The following CDC42BPA variants were observed in gnomAD, a reference collection of about 807,000 sequenced individuals.
CDC42BPA encodes serine/threonine-protein kinase MRCK alpha.
A neutral mutation model predicts 223.5 loss-of-function variants in CDC42BPA; 80 were observed. The observed-to-expected ratio is 0.36, with a 90% confidence interval of 0.30 to 0.43. CDC42BPA has a LOEUF of 0.43. Ranked by LOEUF, CDC42BPA falls within the 20% of genes least tolerant of loss-of-function variation. The probability of loss-of-function intolerance (pLI) is 1.00; values close to 1 mark genes in which losing one functional copy is unlikely to be tolerated. For synonymous variants in CDC42BPA, 694 were observed against 718.6 expected, an observed-to-expected ratio of 0.97 and a Z score of 0.55; for missense variants, 1,743 against 2,099.9, an observed-to-expected ratio of 0.83 and a Z score of 3.32.
chr1:227,037,748 G>A lies in CDC42BPA; in HGVS notation c.3200-2141C>T, dbSNP rs1670548873. Among the ~76,000 whole-genome samples the A allele has an allele frequency of 2.0e-5, 3 of 152,164 alleles. 1 individual carries two copies. In the South Asian group the frequency reaches 6.2e-4, roughly 32 times the overall value. On this transcript the variant is annotated intron_variant, in intron 24 of 36. Transcript: ENST00000366766. ...TCTTTTTCATAAGATACATCAATAT[G>A]AGAGATCTTCAGAATGTTCATGGAA...
intron 21 of CDC42BPA, among the ~76,000 whole-genome samples, chr1:227,060,054 G>A (rs1446856435): frequency 2.2e-4 from 25 of 111,964 alleles, no homozygotes; most frequent in African/African-American, 7.1e-4. Flanking sequence ...TTTTTGAGAC[G>A]GGAGTCTCGC....
chr1:227,008,898 A>G (rs1025351665), intron 34 of CDC42BPA, among the ~76,000 whole-genome samples: 1 of 152,224 alleles, frequency 6.6e-6, no homozygotes, highest in African/African-American at 2.4e-5. Context: ...TAAAAAAATT[A>G]AAATGGAAAT....
intron 12 of CDC42BPA, among the ~76,000 whole-genome samples, chr1:227,115,790 T>C (rs956279584): frequency 2.6e-5 from 4 of 151,910 alleles, no homozygotes; most frequent in Non-Finnish European, 2.9e-5. Context: ...AAATAACTCA[T>C]TGGTCCGTGA....
chr1:227,311,915 T>A (rs952927004), intron 1 of CDC42BPA, among the ~76,000 whole-genome samples: 3 of 152,170 alleles, frequency 2.0e-5, no homozygotes, highest in Non-Finnish European at 4.4e-5. Context: ...CTTCACTAGG[T>A]TCTTGAGTAA....
At chr1:227,136,290 A>AG (rs1658552948) in intron 10 of CDC42BPA, among the ~76,000 whole-genome samples, 1 of 152,232 alleles carries the variant, frequency 6.6e-6, no homozygotes, top group African/African-American at 2.4e-5. Context: ...TGGATAAAGC[A>AG]GAAGCCAGAA....
intron 35 of CDC42BPA, among the ~76,000 whole-genome samples, chr1:227,000,422 T>G (rs1662582411): frequency 6.6e-6 from 1 of 152,198 alleles, no homozygotes; most frequent in African/African-American, 2.4e-5. Flanking sequence ...ATGAAAAAAT[T>G]ACTTTAACAT....
chr1:227,108,140 T>A (rs1686248724), intron 14 of CDC42BPA, among the ~76,000 whole-genome samples: 1 of 152,216 alleles, frequency 6.6e-6, no homozygotes, highest in Non-Finnish European at 1.5e-5. Context: ...ATCTTTGGAT[T>A]CAGTTTGCTC....
intron 5 of CDC42BPA, among the ~76,000 whole-genome samples, chr1:227,187,674 C>CT (rs1210044918): frequency 6.5e-5 from 1 of 15,500 alleles, no homozygotes; most frequent in Admixed American, 6.0e-4. Flanking sequence ...TAAATGGCAC[C>CT]CCCCACCCCC....
At chr1:227,287,071 C>T (rs1027313273) in intron 1 of CDC42BPA, among the ~76,000 whole-genome samples, 4 of 152,182 alleles carry the variant, frequency 2.6e-5, no homozygotes, top group African/African-American at 9.7e-5. Flanking sequence ...TTGGGGGTCA[C>T]ATTTCAACAT....
Position 227,296,180 on chromosome 1 carries a change from T to C in CDC42BPA, c.178+20825A>G, listed in dbSNP as rs146272528. On this transcript the variant is annotated intron_variant, in intron 1 of 36. Transcript: ENST00000366766. ...AGGATAAACATATAGATCAATGGAATAGAACTGAGAGTCTAGAAAAAAATC... is the reference window on the plus strand; with the variant it reads ...AGGATAAACATATAGATCAATGGAACAGAACTGAGAGTCTAGAAAAAAATC... Among the ~76,000 whole-genome samples the C allele has an allele frequency of 4.5e-3, 691 of 152,276 alleles. 5 individuals are homozygous for C. The highest frequency in any genetic ancestry group is 0.016 in the African/African-American group (664 of 41,568).
Position 226,993,303 on chromosome 1 carries a change from C to T in CDC42BPA, c.*965G>A, listed in dbSNP as rs1189406449. ...AATCGTGTATTTCTACATTTATCTG[C>T]GGAAGATAAAATACAATAAAAAGTG... On this transcript the variant is annotated 3_prime_UTR_variant, in exon 37 of 37. Coordinates refer to ENST00000366766, the MANE Select transcript of CDC42BPA (RefSeq NM_001394014.1). The T allele has an allele frequency of 7.9e-5, 12 of 152,138 alleles. No individual in the cohort carries two copies. Among genetic ancestry groups the T allele is most frequent in the South Asian group, 4.1e-4 (2 of 4,820 alleles). The allele number at this position is 152,138 out of a possible 1,614,324, so 9.4% of individuals were successfully genotyped here.
chr1:227,023,530 A>C (rs1667746966), intron 31 of CDC42BPA, among the ~76,000 whole-genome samples, 183 bp from the exon 32 acceptor site: 1 of 152,214 alleles, frequency 6.6e-6, no homozygotes, highest in African/African-American at 2.4e-5. Flanking sequence ...TAATTTGAAC[A>C]AACAAACTTG....
At chr1:227,105,043 G>A (rs1337098674) in intron 14 of CDC42BPA, among the ~76,000 whole-genome samples, 1 of 152,056 alleles carries the variant, frequency 6.6e-6, no homozygotes. Flanking sequence ...TTATTGAAAT[G>A]TGATTCACAT....
intron 10 of CDC42BPA, among the ~76,000 whole-genome samples, chr1:227,135,650 C>G (rs931314345): frequency 6.6e-6 from 1 of 151,780 alleles, no homozygotes; most frequent in African/African-American, 2.4e-5. Flanking sequence ...GTCAGGAGAT[C>G]GAGACTATCC....
chr1:227,293,985 T>A (rs1471779144), intron 1 of CDC42BPA, among the ~76,000 whole-genome samples: 2 of 151,996 alleles, frequency 1.3e-5, no homozygotes, highest in Non-Finnish European at 2.9e-5. Flanking sequence ...TTTAAAAAAA[T>A]TTTAGGCCAG....
At chr1:227,274,842 A>G (rs1425903621) in intron 1 of CDC42BPA, among the ~76,000 whole-genome samples, 1 of 152,212 alleles carries the variant, frequency 6.6e-6, no homozygotes, top group African/African-American at 2.4e-5. Context: ...CTGTCATTAG[A>G]AAAAGGTGCA....
intron 1 of CDC42BPA, among the ~76,000 whole-genome samples, chr1:227,268,451 G>A (rs765828897): frequency 6.6e-6 from 1 of 151,594 alleles, no homozygotes; most frequent in Non-Finnish European, 1.5e-5. Context: ...CCCCACCAGG[G>A]TGTATATAAA....
rs139998015 is a variant in CDC42BPA at position 226,993,281 on chromosome 1, C to T, written c.*987G>A. On this transcript the variant is annotated 3_prime_UTR_variant, in exon 37 of 37. Transcript: ENST00000366766. The stretch of plus-strand genomic sequence containing the variant: ...TGGAAGGGATCAGAGGTGACAGAAT[C>T]GTGTATTTCTACATTTATCTGCGGA... 3.3e-5 allele frequency: 5 copies of T among 152,314 alleles called. No homozygotes were observed. Among genetic ancestry groups the T allele is most frequent in the African/African-American group, 7.2e-5 (3 of 41,566 alleles). The allele number at this position is 152,314 out of a possible 1,614,324, so 9.4% of individuals were successfully genotyped here.
chr1:227,138,321 C>T (rs910262815), intron 10 of CDC42BPA, among the ~76,000 whole-genome samples: 1 of 151,740 alleles, frequency 6.6e-6, no homozygotes, highest in African/African-American at 2.4e-5. Context: ...GACAGTAGTA[C>T]TGGGGATATA....
Sources: allele counts gnomAD v4.1 joint callset (sites outside exome capture counted in the v4.1 genomes callset), GRCh38; gene constraint gnomAD v4.1.1; transcripts MANE v1.5; gene names NCBI Gene and HGNC (gene_info 2026-07-23, HGNC 2026-07-21).